The following SPIRE2 variants were observed in gnomAD, a reference collection of about 807,000 sequenced individuals.
SPIRE2 encodes protein spire homolog 2.
In SPIRE2, 76 loss-of-function variants were observed where a neutral mutation model predicts 80.7. The ratio of observed to expected loss-of-function variants is 0.94; its 90% CI spans 0.78 to 1.14. The LOEUF (loss-of-function observed/expected upper bound fraction) is 1.14. Ranked by LOEUF, SPIRE2 falls within the 50% of genes most tolerant of loss-of-function variation. The pLI, the probability that SPIRE2 is intolerant of heterozygous loss-of-function variation, is 0.00. For missense variants in SPIRE2, 1,196 were observed against 1,015.3 expected (o/e 1.18, Z -2.42); for synonymous variants, 535 against 432.6 (o/e 1.24, Z -2.94).
At chr16:89,840,266 T>C (rs1427544968) in intron 1 of SPIRE2, among the ~76,000 whole-genome samples, 2 of 150,616 alleles carry the variant, frequency 1.3e-5, no homozygotes, top group African/African-American at 4.9e-5. Flanking sequence ...TTTTTTTTTT[T>C]TGAGACGGAG....
Position 89,856,113 on chromosome 16 carries a change from G to A in SPIRE2, c.979G>A (p.Val327Ile). 6.2e-7 allele frequency: 1 copy of A among 1,611,730 alleles called. No individual in the cohort carries two copies. Among genetic ancestry groups the A allele is most frequent in the Non-Finnish European group, 8.5e-7 (1 of 1,179,690 alleles). Residue 327 changes from valine to isoleucine, a missense_variant and splice_region_variant, in exon 7 of 15, where the codon GTC becomes ATC. Val to Ile is a conservative substitution (Grantham distance 29, BLOSUM62 3). Coordinates refer to ENST00000378247, the MANE Select transcript of SPIRE2 (RefSeq NM_032451.2). ...FIRSRPPLKQVSERRLRPLPP... is the reference protein window; with the variant it reads ...FIRSRPPLKQISERRLRPLPP... ...CGCAGGTCTCGCTTCCCCACCGCAG[G>A]TCTCTGAGAGGCGGCTGCGCCCGTT...
chr16:89,843,698 G>T (rs11076638), intron 1 of SPIRE2, among the ~76,000 whole-genome samples: 4,036 of 17,746 alleles, frequency 0.23, 466 homozygotes, highest in East Asian at 0.7. Context: ...TTTGTTTTTT[G>T]TTTTTTTTTT....
intron 1 of SPIRE2, among the ~76,000 whole-genome samples, chr16:89,833,299 A>AT (rs2041406094): frequency 6.7e-6 from 1 of 148,734 alleles, no homozygotes; most frequent in South Asian, 2.1e-4. Context: ...ATCTTTTTGT[A>AT]TTTTTAGTAG....
At chr16:89,861,821 T>C (rs1343989788) in intron 10 of SPIRE2, 1 of 152,236 alleles carries the variant, frequency 6.6e-6, no homozygotes, top group Non-Finnish European at 1.5e-5. Context: ...CTCGGGCTGC[T>C]TGGGGATCCC....
chr16:89,849,583 G>T lies in SPIRE2; in HGVS notation c.289-721G>T, dbSNP rs751355223. On this transcript the variant is annotated intron_variant, in intron 2 of 14. Coordinates refer to ENST00000378247, the MANE Select transcript of SPIRE2 (RefSeq NM_032451.2). The stretch of plus-strand genomic sequence containing the variant: ...AATTGTCCATCGACCTCCTGTGTCC[G>T]ACTGTGCTGCCTCTGCCTGCCTGTC... 6.6e-5 allele frequency among the ~76,000 whole-genome samples: 10 copies of T among 152,162 alleles called. No homozygotes were observed. The South Asian group carries it at 1.0e-3, about 16-fold the overall frequency.
intron 1 of SPIRE2, among the ~76,000 whole-genome samples, chr16:89,842,235 C>T (rs2041513685): frequency 2.7e-5 from 1 of 37,218 alleles, no homozygotes; most frequent in Admixed American, 4.0e-4. Flanking sequence ...TTTTTTGTGA[C>T]GGAGTCTCAC....
chr16:89,865,958 A>ACT, intron 12 of SPIRE2, among the ~76,000 whole-genome samples: 1 of 115,958 alleles, frequency 8.6e-6, no homozygotes, highest in African/African-American at 3.7e-5. Flanking sequence ...ACAGAGGGAG[A>ACT]CTGTCTCAAA....
intron 13 of SPIRE2, among the ~76,000 whole-genome samples, chr16:89,868,964 C>G (rs2041812325): frequency 1.4e-5 from 2 of 143,314 alleles, no homozygotes; most frequent in Non-Finnish European, 3.0e-5. Flanking sequence ...CCAGCAAATT[C>G]AAGGCTGCAG....
chr16:89,833,689 C>T (rs1410226224), intron 1 of SPIRE2, among the ~76,000 whole-genome samples: 1 of 152,234 alleles, frequency 6.6e-6, no homozygotes, highest in East Asian at 1.9e-4. Context: ...TCCGGAAGCA[C>T]TGGCCAGTGG....
chr16:89,839,399 ATG>A (rs1437885502), intron 1 of SPIRE2, among the ~76,000 whole-genome samples: 2 of 141,486 alleles, frequency 1.4e-5, no homozygotes, highest in African/African-American at 5.3e-5. Context: ...ACTGTTAGGG[ATG>A]TCATGGGTGT....
chr16:89,845,786 G>C (rs2041553604), intron 2 of SPIRE2: 1 of 589,716 alleles, frequency 1.7e-6, no homozygotes, highest in African/African-American at 1.9e-5. Context: ...CGCAGGGCAG[G>C]GCCTTCCTCT....
intron 10 of SPIRE2, 137 bp downstream of exon 10, chr16:89,860,932 C>T (rs561692630): frequency 3.2e-5 from 18 of 560,864 alleles, no homozygotes; most frequent in Admixed American, 4.1e-5. Flanking sequence ...TCTGGGGGGG[C>T]GCGGTCTGAA....
intron 1 of SPIRE2, chr16:89,836,317 G>C (rs1476815026): frequency 2.2e-6 from 1 of 452,274 alleles, no homozygotes; most frequent in East Asian, 7.0e-5. Flanking sequence ...ACAGGTTCTG[G>C]GGTTAGAACA....
At chr16:89,859,604 T>C (rs1457578405) in intron 9 of SPIRE2, among the ~76,000 whole-genome samples, 1 of 152,190 alleles carries the variant, frequency 6.6e-6, no homozygotes, top group Non-Finnish European at 1.5e-5. Flanking sequence ...ATGATTCTAT[T>C]ACCTAGACAT....
chr16:89,845,845 T>C (rs2041554112), intron 2 of SPIRE2: 1 of 535,940 alleles, frequency 1.9e-6, no homozygotes, highest in South Asian at 2.7e-5. Flanking sequence ...GTTTCCACTT[T>C]CTACTGCCTT....
chr16:89,828,647 C>A lies in SPIRE2; in HGVS notation c.97C>A (p.Gln33Lys). Residue 33 changes from glutamine to lysine, a missense_variant, in exon 1 of 15, where the codon CAG becomes AAG. Coordinates refer to ENST00000378247, the MANE Select transcript of SPIRE2 (RefSeq NM_032451.2). This position sits in a 1 kb window ranked among gnomAD's most constrained non-coding sequence, Gnocchi z 5.9. ...SLEEVLKAYE[Q>K]PLNEEQAWAV... ...GGAGGAGGTGCTGAAGGCCTACGAG[C>A]AGCCGCTCAACGAGGAGCAGGCGTG... 7.3e-7 allele frequency: 1 copy of A among 1,364,294 alleles called. No individual in the cohort carries two copies. The allele number at this position is 1,364,294 out of a possible 1,614,324, so 84.5% of individuals were successfully genotyped here.
chr16:89,869,053 A>AAAAAAATATATATATATAT, intron 13 of SPIRE2, among the ~76,000 whole-genome samples: 4 of 24,028 alleles, frequency 1.7e-4, no homozygotes, highest in Admixed American at 6.5e-4. Flanking sequence ...AAAAAAAAAA[A>AAAAAAATATATATATATAT]ATATATATAT....
chr16:89,846,161 T>G (rs2041557613), intron 2 of SPIRE2: 1 of 153,730 alleles, frequency 6.5e-6, no homozygotes, highest in African/African-American at 2.4e-5. Context: ...CCTCCCAAAG[T>G]GCTGGGATTA....
chr16:89,848,143 G>C (rs1433667391), intron 2 of SPIRE2, among the ~76,000 whole-genome samples: 2 of 152,226 alleles, frequency 1.3e-5, no homozygotes, highest in Non-Finnish European at 2.9e-5. Flanking sequence ...GGCTCTTCCA[G>C]TCGGCTTCCT....
Sources: gnomAD v4.1 joint callset for allele counts (sites outside exome capture counted in the v4.1 genomes callset) on GRCh38, gnomAD v4.1.1 for gene constraint, Gnocchi (gnomAD v3.1) non-coding constraint, MANE v1.5 for transcripts, NCBI Gene and HGNC (gene_info 2026-07-23, HGNC 2026-07-21) for gene names.